CROT: variants seen among roughly 807,000 people sequenced by gnomAD.
CROT encodes peroxisomal carnitine O-octanoyltransferase.
CROT carries 84 observed loss-of-function variants against 89.2 expected under a neutral mutation model. The ratio of observed to expected loss-of-function variants is 0.94; its 90% CI spans 0.79 to 1.13. CROT has a LOEUF of 1.13. CROT is among the 50% of genes most tolerant of loss of function. The pLI is 0.00. For missense variants in CROT, 711 were observed against 727.8 expected, an observed-to-expected ratio of 0.98 and a Z score of 0.27; for synonymous variants, 212 against 239.5, an observed-to-expected ratio of 0.89 and a Z score of 1.06.
intron 17 of CROT, among the ~76,000 whole-genome samples, chr7:87,393,580 G>C (rs984352106): frequency 6.6e-6 from 1 of 152,142 alleles, no homozygotes; most frequent in East Asian, 1.9e-4. Context: ...GTATAAAAAA[G>C]AGTAGTGGAG....
chr7:87,358,763 A>G (rs1335521615), intron 3 of CROT, among the ~76,000 whole-genome samples: 1 of 152,104 alleles, frequency 6.6e-6, no homozygotes, highest in Admixed American at 6.6e-5. Flanking sequence ...GAGGAGGTGG[A>G]AGTAGGGACA....
At position 87,392,953 on chromosome 7, in the gene CROT, G is replaced by A. The variant is rs750301718; in HGVS notation, c.1604G>A (p.Gly535Glu). The change falls in exon 17 of 18, where the codon GGA becomes GAA. Residue 535 changes from glycine to glutamate, a missense_variant. Transcript: ENST00000331536. ...FTDPLFSKSG[G>E]GGNFVLSTSL... ...TCTTTTATTGTGCCACACAGCGGAG[G>A]AGGTGGAAATTTTGTTCTCTCAACA... 4 of 1,613,630 alleles carry A rather than the reference G, an allele frequency of 2.5e-6. No homozygotes were observed. The highest frequency in any genetic ancestry group is 2.2e-5 in the South Asian group (2 of 91,056).
At chr7:87,383,096 T>C (rs1807075080) in intron 13 of CROT, among the ~76,000 whole-genome samples, 2 of 152,206 alleles carry the variant, frequency 1.3e-5, no homozygotes, top group Non-Finnish European at 2.9e-5. Flanking sequence ...CAACCATTTA[T>C]TACGTCTTCG....
Position 87,392,574 on chromosome 7 carries a change from G to A in CROT, c.1434G>A (p.Glu478=), listed in dbSNP as rs1807398202. 6.2e-7 allele frequency: 1 copy of A among 1,613,158 alleles called. No individual in the cohort carries two copies. Among genetic ancestry groups the A allele is most frequent in the Non-Finnish European group, 8.5e-7 (1 of 1,179,354 alleles). Reference sequence around the variant, plus strand: ...CTCGATTTTTAATACAGCTTCGTGAGCGGCAGCAAAAGATGTTACAAGCTT... The same window carrying A: ...CTCGATTTTTAATACAGCTTCGTGAACGGCAGCAAAAGATGTTACAAGCTT... ...SMQDPSVNLR[E]RQQKMLQAFA... The change falls in exon 15 of 18, where the codon GAG becomes GAA. Residue 478 remains glutamate, a synonymous_variant. Coordinates refer to ENST00000331536, the MANE Select transcript of CROT (RefSeq NM_021151.4).
chr7:87,359,805 A>C, intron 4 of CROT: 1 of 983,412 alleles, frequency 1.0e-6, no homozygotes, highest in Non-Finnish European at 1.2e-6. Context: ...AGATAAATTG[A>C]GGAAGCTAGT....
In CROT at chr7:87,392,750, G is replaced by C. The variant is rs1323229437; in HGVS notation, c.1525G>C (p.Gly509Arg). ...TGCAGGATTTGATCGTCACCTTTTA[G>C]GTCTCTTACTCATAGCAAAAGAGGA... ...AGKGFDRHLL[G>R]LLLIAKEEGL... The change falls in exon 16 of 18, where the codon GGT becomes CGT. Residue 509 changes from glycine (G) to arginine (R), a missense_variant. Coordinates refer to ENST00000331536, the MANE Select transcript of CROT (RefSeq NM_021151.4). The C allele has an allele frequency of 1.2e-6, 2 of 1,613,390 alleles. No homozygotes were observed. Among genetic ancestry groups the C allele is most frequent in the African/African-American group, 1.3e-5 (1 of 74,866 alleles).
rs1806551621 is a variant in CROT, at chr7:87,369,407, A to C, written c.579A>C (p.Val193=). ...AAGGGCGTTCCCCAAACCACATTGTAGTGCTGTGTCGAGGCCGAGCTTTTG... is the reference window on the plus strand; with the variant it reads ...AAGGGCGTTCCCCAAACCACATTGTCGTGCTGTGTCGAGGCCGAGCTTTTG... ...ESEGRSPNHI[V]VLCRGRAFVF... The change falls in exon 7 of 18, where the codon GTA becomes GTC. Residue 193 remains valine (V), a synonymous_variant. Transcript: ENST00000331536. 5.6e-6 allele frequency: 9 copies of C among 1,612,958 alleles called. No individual in the cohort carries two copies. The highest frequency in any genetic ancestry group is 7.6e-6 in the Non-Finnish European group (9 of 1,179,388).
chr7:87,370,930 T>A (rs1806612014), intron 7 of CROT, among the ~76,000 whole-genome samples: 1 of 152,208 alleles, frequency 6.6e-6, no homozygotes. Flanking sequence ...TGTCTACTAG[T>A]GTGTGAATGT....
intron 4 of CROT, chr7:87,359,579 C>A: frequency 2.4e-6 from 3 of 1,227,326 alleles, no homozygotes; most frequent in Non-Finnish European, 3.1e-6. Flanking sequence ...CCCAGAGATT[C>A]TTATTTTAAC....
intron 9 of CROT, 40 bp from the exon 10 acceptor site, chr7:87,377,309 A>G: frequency 7.7e-7 from 1 of 1,291,922 alleles, no homozygotes; most frequent in Non-Finnish European, 1.1e-6. Context: ...ACAAACCAAT[A>G]TTAAACCCTT....
intron 3 of CROT, among the ~76,000 whole-genome samples, chr7:87,352,949 G>A (rs1805922322): frequency 6.6e-6 from 1 of 152,126 alleles, no homozygotes; most frequent in East Asian, 1.9e-4. Flanking sequence ...TACTTTGATT[G>A]TCCAGGTCTA....
intron 10 of CROT, among the ~76,000 whole-genome samples, chr7:87,380,085 C>A (rs1806941787): frequency 6.6e-6 from 1 of 152,012 alleles, no homozygotes; most frequent in Non-Finnish European, 1.5e-5. Context: ...CACTCCCACC[C>A]AGGCAACAGA....
chr7:87,396,965 C>T (rs1216989839), intron 17 of CROT, among the ~76,000 whole-genome samples: 1 of 152,164 alleles, frequency 6.6e-6, no homozygotes, highest in African/African-American at 2.4e-5. Context: ...AACTGCTTCT[C>T]TACTATTTTG....
chr7:87,357,654 C>A (rs1806126524), intron 3 of CROT: 2 of 721,072 alleles, frequency 2.8e-6, no homozygotes, highest in Non-Finnish European at 4.9e-6. Flanking sequence ...CGGAGTAGAG[C>A]GTCCTCAGAG....
intron 6 of CROT, 31 bp downstream of exon 6, chr7:87,361,883 A>G (rs1336474436): frequency 6.5e-7 from 1 of 1,549,700 alleles, no homozygotes; most frequent in Non-Finnish European, 8.7e-7. Flanking sequence ...CGTTTTTAGT[A>G]AAGGCACTGG....
intron 7 of CROT, chr7:87,375,207 G>A (rs1018274677): frequency 6.3e-6 from 1 of 157,740 alleles, no homozygotes; most frequent in Non-Finnish European, 1.4e-5. Flanking sequence ...TATACAGTAA[G>A]TCCTCTGGTT....
At chr7:87,353,132 C>G (rs547619007) in intron 3 of CROT, among the ~76,000 whole-genome samples, 1 of 151,892 alleles carries the variant, frequency 6.6e-6, no homozygotes, top group Non-Finnish European at 1.5e-5. Flanking sequence ...AGTCCTTTAA[C>G]GGATTTTTTT....
rs1440966884 is a variant in CROT at position 87,345,727 on chromosome 7, T to A, written c.-153T>A. ...AGCCGGTGCTGCTGCAGGCTGAGGC[T>A]GCGGCAGAGGCGGCGAGGCGCGGGC... On this transcript the variant is annotated 5_prime_UTR_variant, in exon 1 of 18. Coordinates refer to ENST00000331536, the MANE Select transcript of CROT (RefSeq NM_021151.4). 1 of 347,570 alleles carries A rather than the reference T, an allele frequency of 2.9e-6. No homozygotes were observed. The highest frequency in any genetic ancestry group is 5.1e-6 in the Non-Finnish European group (1 of 194,576). The allele number at this position is 347,570 out of a possible 1,614,324, so 21.5% of individuals were successfully genotyped here. A position where few individuals can be genotyped will look rare whatever the true frequency, so the allele number is the denominator to read the frequency against.
intron 7 of CROT, among the ~76,000 whole-genome samples, chr7:87,374,460 G>A (rs910273341): frequency 3.3e-5 from 5 of 152,040 alleles, no homozygotes; most frequent in Admixed American, 3.3e-4. Flanking sequence ...TAAGGGAAAG[G>A]TAGCAACAAG....
Sources: allele counts gnomAD v4.1 joint callset (sites outside exome capture counted in the v4.1 genomes callset), GRCh38; gene constraint gnomAD v4.1.1; transcripts MANE v1.5; gene names NCBI Gene and HGNC (gene_info 2026-07-23, HGNC 2026-07-21).